Variants in CDK14 observed in about 807,000 individuals in gnomAD.
CDK14 encodes cyclin dependent kinase 14.
A neutral mutation model predicts 60.7 loss-of-function variants in CDK14; 34 were observed. The observed-to-expected ratio is 0.56, with a 90% CI of 0.43 to 0.75. The LOEUF is 0.75. Among genes scored for constraint, CDK14 ranks in the 30% least tolerant of loss-of-function variants. The pLI is 0.00. For missense variants in CDK14, 482 were observed against 564.1 expected (o/e 0.85, Z 1.47); for synonymous variants, 197 against 203.7 (o/e 0.97, Z 0.28).
At chr7:90,812,650 T>C (rs79326804) in intron 5 of CDK14, among the ~76,000 whole-genome samples, 1 of 151,990 alleles carries the variant, frequency 6.6e-6, no homozygotes, top group Admixed American at 6.6e-5. Flanking sequence ...GAATGGCTAA[T>C]AAGACCATGC....
intron 3 of CDK14, among the ~76,000 whole-genome samples, chr7:90,729,395 A>T (rs1802774603): frequency 9.3e-6 from 1 of 107,360 alleles, no homozygotes; most frequent in Admixed American, 1.3e-4. Flanking sequence ...AGGCAATGTG[A>T]CTTCTCAACC....
At chr7:91,173,580 C>T (rs1351522492) in intron 14 of CDK14, among the ~76,000 whole-genome samples, 3 of 152,136 alleles carry the variant, frequency 2.0e-5, no homozygotes, top group East Asian at 1.9e-4. Context: ...AGACAGTGGG[C>T]GCAGGTCAGT....
At chr7:91,163,951 A>C (rs544305482) in intron 14 of CDK14, among the ~76,000 whole-genome samples, 3 of 152,286 alleles carry the variant, frequency 2.0e-5, no homozygotes, top group Non-Finnish European at 4.4e-5. Flanking sequence ...CATGGGCTCA[A>C]GTTTTGCAAT....
At chr7:90,639,942 C>T (rs573466159) in intron 2 of CDK14, among the ~76,000 whole-genome samples, 4 of 152,216 alleles carry the variant, frequency 2.6e-5, no homozygotes, top group South Asian at 4.1e-4. Flanking sequence ...GATATAGTCT[C>T]CTGATGCGCC....
At chr7:91,133,919 A>G (rs1042884815) in intron 14 of CDK14, among the ~76,000 whole-genome samples, 1 of 152,184 alleles carries the variant, frequency 6.6e-6, no homozygotes. Flanking sequence ...CGTTTAAAGT[A>G]CTTTCTGTTA....
At chr7:91,189,542 A>C (rs1240374106) in intron 14 of CDK14, among the ~76,000 whole-genome samples, 1 of 152,230 alleles carries the variant, frequency 6.6e-6, no homozygotes, top group East Asian at 1.9e-4. Context: ...AATTTTACTC[A>C]GATTCTAATT....
intron 12 of CDK14, among the ~76,000 whole-genome samples, chr7:91,091,599 G>A (rs2116274910): frequency 6.8e-6 from 1 of 148,146 alleles, no homozygotes; most frequent in South Asian, 2.1e-4. Context: ...AGCCTGGAAT[G>A]CAGAGGTTGC....
At chr7:91,006,594 A>G (rs1464238135) in intron 10 of CDK14, among the ~76,000 whole-genome samples, 1 of 152,254 alleles carries the variant, frequency 6.6e-6, no homozygotes, top group East Asian at 1.9e-4. Context: ...TTGAATTAAA[A>G]AGTACTCAGA....
At chr7:90,791,903 C>CT (rs112725000) in intron 5 of CDK14, among the ~76,000 whole-genome samples, 37,398 of 141,592 alleles carry the variant, frequency 0.26, 5,219 homozygotes, top group Middle Eastern at 0.34. Flanking sequence ...GAAAGGGCTT[C>CT]TTTTTTTTTT....
intron 4 of CDK14, among the ~76,000 whole-genome samples, chr7:90,771,440 A>G (rs6465287): frequency 0.91 from 139,060 of 152,248 alleles, 63,636 homozygotes; most frequent in East Asian, 1. Context: ...TTATGACCAA[A>G]AGGAATGAGG....
chr7:90,817,319 C>T (rs189643434), intron 5 of CDK14, among the ~76,000 whole-genome samples: 2 of 152,190 alleles, frequency 1.3e-5, no homozygotes, highest in Non-Finnish European at 2.9e-5. Context: ...CCGTAAGAAT[C>T]GAATTGATAA....
intron 5 of CDK14, among the ~76,000 whole-genome samples, chr7:90,791,314 T>A (rs947543573): frequency 2.6e-5 from 4 of 152,216 alleles, no homozygotes; most frequent in African/African-American, 9.6e-5. Flanking sequence ...TCTTTTTTTT[T>A]AATCAGTGGG....
At chr7:90,927,938 CTCT>C (rs1677447251) in intron 8 of CDK14, among the ~76,000 whole-genome samples, 1 of 152,152 alleles carries the variant, frequency 6.6e-6, no homozygotes, top group Non-Finnish European at 1.5e-5. Flanking sequence ...CTCTAAACTT[CTCT>C]TCTTGCTTCA....
chr7:90,964,098 G>A lies in CDK14; in HGVS notation c.947+8281G>A, dbSNP rs761078943. ...TTGACTACAAAGATCAGTAACAAGC[G>A]TCATGGCAGTCTGACATTGGGCAGG... On this transcript the variant is annotated intron_variant, in intron 9 of 14. Transcript: ENST00000380050. Among the ~76,000 whole-genome samples, 19 of 152,164 alleles carry A rather than the reference G, an allele frequency of 1.2e-4. 1 individual carries two copies. The South Asian group carries it at 1.5e-3, about 12-fold the overall frequency.
In CDK14 at chr7:90,867,562, A is replaced by AT. The variant is rs1378773697; in HGVS notation, c.639+4296dup. Among the ~76,000 whole-genome samples, 8 of 152,150 alleles carry AT rather than the reference A, an allele frequency of 5.3e-5. No individual in the cohort carries two copies. In the East Asian group the frequency reaches 1.5e-3, roughly 29 times the overall value. On this transcript the variant is annotated intron_variant, in intron 6 of 14. Transcript: ENST00000380050. ...TGTGTAGCAGCATTTTTCATTACAT[A>AT]TTTAATAATTGTGTACAAGTAGAAA...
intron 10 of CDK14, among the ~76,000 whole-genome samples, chr7:91,000,773 C>T (rs576993745): frequency 5.3e-4 from 80 of 152,332 alleles, no homozygotes; most frequent in Middle Eastern, 3.4e-3. Context: ...TAATGACATT[C>T]TCAAAACAGC....
chr7:90,814,735 C>T (rs1789280797), intron 5 of CDK14, among the ~76,000 whole-genome samples: 1 of 152,158 alleles, frequency 6.6e-6, no homozygotes, highest in East Asian at 1.9e-4. Context: ...GAGATTGTGC[C>T]ACTGCACTCC....
chr7:90,813,676 G>A (rs1329116517), intron 5 of CDK14, among the ~76,000 whole-genome samples: 4 of 152,084 alleles, frequency 2.6e-5, no homozygotes, highest in Non-Finnish European at 5.9e-5. Context: ...TTGAACCCAG[G>A]AGGCAGAGGT....
At chr7:90,697,623 A>G (rs1466873980) in intron 2 of CDK14, among the ~76,000 whole-genome samples, 1 of 152,234 alleles carries the variant, frequency 6.6e-6, no homozygotes, top group African/African-American at 2.4e-5. Context: ...GAGATTTTCT[A>G]TAAACCTAGA....
Sources: gnomAD v4.1 joint callset for allele counts (sites outside exome capture counted in the v4.1 genomes callset) on GRCh38, gnomAD v4.1.1 for gene constraint, MANE v1.5 for transcripts, NCBI Gene and HGNC (gene_info 2026-07-23, HGNC 2026-07-21) for gene names.